Variants in GNAI1 observed in about 807,000 individuals in gnomAD.
The protein encoded by GNAI1 is guanine nucleotide-binding protein G(i) subunit alpha-1.
Under a neutral mutation model 38.9 loss-of-function variants are expected in GNAI1, and 11 were observed. The observed-to-expected ratio is 0.28, with a 90% CI of 0.18 to 0.47. GNAI1 has a LOEUF of 0.47. Among genes scored for constraint, GNAI1 ranks in the 20% least tolerant of loss-of-function variants. The pLI, the probability that GNAI1 is intolerant of heterozygous loss-of-function variation, is 0.99. For missense variants in GNAI1, 317 were observed against 436.9 expected (o/e 0.73, Z 2.45); for synonymous variants, 166 against 145.1 (o/e 1.14, Z -1.04).
intron 3 of GNAI1, among the ~76,000 whole-genome samples, chr7:80,194,359 G>A (rs1393978494): frequency 2.0e-5 from 3 of 152,156 alleles, no homozygotes; most frequent in East Asian, 3.9e-4. Flanking sequence ...TTGTTTATAT[G>A]TGTGTATGTA....
chr7:80,212,719 C>T lies in GNAI1; in HGVS notation c.724C>T (p.Arg242Ter), dbSNP rs1788895532. The change falls in exon 7 of 8, where the codon CGA (arginine) becomes TGA (stop). Residue 242 changes from arginine (R) to a stop codon, truncating the protein, a stop_gained. Transcript: ENST00000649796. LOFTEE classifies it high-confidence loss of function. The stretch of plus-strand genomic sequence containing the variant: ...GTTTTATTTTTTTCTATTACAGAAC[C>T]GAATGCATGAAAGCATGAAATTGTT... Reference protein sequence around the residue: ...LVLAEDEEMNRMHESMKLFDS... With the variant: ...LVLAEDEEMN 3 of 1,513,854 alleles carry T rather than the reference C, an allele frequency of 2.0e-6. No individual in the cohort carries two copies. The highest frequency in any genetic ancestry group is 2.5e-5 in the Admixed American group (1 of 40,312). 93.8% of individuals were successfully genotyped at this position (1,513,854 alleles called of 1,614,324 possible).
At chr7:80,152,683 C>T (rs571868049) in intron 1 of GNAI1, among the ~76,000 whole-genome samples, 2 of 151,602 alleles carry the variant, frequency 1.3e-5, no homozygotes, top group African/African-American at 4.8e-5. Context: ...GCCTCAGCCT[C>T]CCGAGTAGCT....
intron 4 of GNAI1, 115 bp downstream of exon 4, chr7:80,199,497 A>T (rs1180416495): frequency 2.8e-6 from 2 of 713,676 alleles, no homozygotes; most frequent in Non-Finnish European, 4.5e-6. Flanking sequence ...ACAACTTAGG[A>T]TATTCAGGAT....
At chr7:80,203,366 G>T (rs1042178326) in intron 4 of GNAI1, among the ~76,000 whole-genome samples, 1 of 151,090 alleles carries the variant, frequency 6.6e-6, no homozygotes, top group African/African-American at 2.4e-5. Flanking sequence ...GTGTGATAAA[G>T]AATTCTAAGA....
chr7:80,140,076 C>T (rs1219009392), intron 1 of GNAI1, among the ~76,000 whole-genome samples: 1 of 151,670 alleles, frequency 6.6e-6, no homozygotes, highest in African/African-American at 2.4e-5. Context: ...CTCCGCCTCC[C>T]GGGTTCACGC....
Position 80,139,002 on chromosome 7 carries a change from A to G in GNAI1, c.118+3724A>G, listed in dbSNP as rs147268706. ...TTCCCCTAGTTGAGAAATGTTGGCT[A>G]TGCAGGGCTTTTGATTTTTCATTGC... On this transcript the variant is annotated intron_variant, in intron 1 of 7. Transcript: ENST00000649796. 1.2e-4 allele frequency among the ~76,000 whole-genome samples: 19 copies of G among 152,260 alleles called. No homozygotes were observed. The East Asian group carries it at 2.9e-3, about 23-fold the overall frequency.
chr7:80,182,313 C>T (rs1465151373), intron 1 of GNAI1, among the ~76,000 whole-genome samples: 2 of 152,142 alleles, frequency 1.3e-5, no homozygotes. Flanking sequence ...GAACATATCT[C>T]ATCAATATAC....
intron 1 of GNAI1, among the ~76,000 whole-genome samples, chr7:80,183,041 T>G (rs1299251467): frequency 6.6e-6 from 1 of 152,164 alleles, no homozygotes; most frequent in Non-Finnish European, 1.5e-5. Flanking sequence ...GCTATCTCCC[T>G]TGATATTTAC....
chr7:80,151,123 C>T (rs966795183), intron 1 of GNAI1, among the ~76,000 whole-genome samples: 1 of 152,200 alleles, frequency 6.6e-6, no homozygotes, highest in African/African-American at 2.4e-5. Flanking sequence ...AGTATGAGAA[C>T]TTCCCCTGCT....
chr7:80,174,693 A>G (rs1161301397), intron 1 of GNAI1, among the ~76,000 whole-genome samples: 1 of 152,062 alleles, frequency 6.6e-6, no homozygotes, highest in Non-Finnish European at 1.5e-5. Context: ...GCCTGCTTTT[A>G]AAAAATTTGT....
At chr7:80,217,108 A>C (rs1299259985) in intron 7 of GNAI1, among the ~76,000 whole-genome samples, 195 bp from the exon 8 acceptor site, 4 of 151,142 alleles carry the variant, frequency 2.6e-5, no homozygotes, top group Non-Finnish European at 5.9e-5. Flanking sequence ...TAGTCATTAA[A>C]GGTAATTAAC....
chr7:80,162,068 G>T (rs1295996958), intron 1 of GNAI1, among the ~76,000 whole-genome samples: 2 of 152,088 alleles, frequency 1.3e-5, no homozygotes, highest in African/African-American at 2.4e-5. Flanking sequence ...CATTTGGGAG[G>T]TAATTGGGTT....
At chr7:80,141,901 T>A (rs1039266046) in intron 1 of GNAI1, among the ~76,000 whole-genome samples, 3 of 152,202 alleles carry the variant, frequency 2.0e-5, no homozygotes, top group African/African-American at 7.2e-5. Context: ...ATAGCAAGGA[T>A]CCCCTTCCTC....
intron 1 of GNAI1, among the ~76,000 whole-genome samples, chr7:80,137,519 C>T (rs1407997845): frequency 6.6e-6 from 1 of 151,836 alleles, no homozygotes; most frequent in Non-Finnish European, 1.5e-5. Context: ...CGGGTTTCAC[C>T]ATGTTGGCCA....
At chr7:80,179,741 A>C (rs1420880224) in intron 1 of GNAI1, among the ~76,000 whole-genome samples, 1 of 152,192 alleles carries the variant, frequency 6.6e-6, no homozygotes, top group Non-Finnish European at 1.5e-5. Flanking sequence ...GTTATGCCAG[A>C]GAATCAGCAC....
At chr7:80,210,085 A>G (rs1021828452) in intron 5 of GNAI1, among the ~76,000 whole-genome samples, 6 of 152,198 alleles carry the variant, frequency 3.9e-5, no homozygotes, top group African/African-American at 1.4e-4. Flanking sequence ...CCATCTAGAT[A>G]AATGGAGCCT....
intron 1 of GNAI1, among the ~76,000 whole-genome samples, chr7:80,178,153 A>G (rs1430801189): frequency 2.0e-5 from 3 of 152,214 alleles, no homozygotes; most frequent in South Asian, 2.1e-4. Flanking sequence ...TGGAGCCTGA[A>G]GATGTGAATG....
At chr7:80,181,812 A>G (rs67854907) in intron 1 of GNAI1, among the ~76,000 whole-genome samples, 20,350 of 152,234 alleles carry the variant, frequency 0.13, 1,680 homozygotes, top group South Asian at 0.23. Context: ...ATGTTTTACT[A>G]TATGGGTACG....
chr7:80,200,120 C>T (rs1237782827), intron 4 of GNAI1, among the ~76,000 whole-genome samples: 1 of 151,314 alleles, frequency 6.6e-6, no homozygotes, highest in Non-Finnish European at 1.5e-5. Context: ...GTTTGAGACC[C>T]ATCTGGGTAA....
Sources: allele counts gnomAD v4.1 joint callset (sites outside exome capture counted in the v4.1 genomes callset), GRCh38; gene constraint gnomAD v4.1.1; transcripts MANE v1.5; gene names NCBI Gene and HGNC (gene_info 2026-07-23, HGNC 2026-07-21).